FBXL17: variants seen among roughly 807,000 people sequenced by gnomAD.
FBXL17 encodes F-box and leucine rich repeat protein 17.
In FBXL17, 22 loss-of-function variants were observed where a neutral mutation model predicts 66.2. The observed-to-expected ratio is 0.33, with a 90% CI of 0.24 to 0.47. The LOEUF is 0.47. FBXL17 is among the 20% of genes least tolerant of loss of function. The probability of loss-of-function intolerance (pLI) is 1.00; values close to 1 mark genes in which losing one functional copy is unlikely to be tolerated. For synonymous variants in FBXL17, 474 were observed against 400.5 expected (o/e 1.18, Z -2.19); for missense variants, 878 against 948.2 (o/e 0.93, Z 0.97).
At chr5:108,153,547 T>C (rs1751851143) in intron 6 of FBXL17, among the ~76,000 whole-genome samples, 2 of 152,162 alleles carry the variant, frequency 1.3e-5, no homozygotes, top group African/African-American at 4.8e-5. Context: ...AAAATAAGAA[T>C]TTAAGATAAA....
chr5:107,946,310 T>TATATATA (rs1751292520), intron 7 of FBXL17, among the ~76,000 whole-genome samples: 54 of 107,364 alleles, frequency 5.0e-4, no homozygotes, highest in Non-Finnish European at 7.0e-4. Context: ...TATATATATA[T>TATATATA]TAGTGACAGA....
intron 6 of FBXL17, among the ~76,000 whole-genome samples, chr5:108,062,642 T>C (rs286754): frequency 0.045 from 6,866 of 152,216 alleles, 533 homozygotes; most frequent in African/African-American, 0.16. Flanking sequence ...TTTTTAAACC[T>C]AGGAATTTAA....
At position 108,137,910 on chromosome 5, in the gene FBXL17, C is replaced by T. The variant is rs1283034051; in HGVS notation, c.1745+48207G>A. ...GCCTAGACTATCGATAATCTGGGCA[C>T]AACACTTCCAAGATAAATACTCAAG... On this transcript the variant is annotated intron_variant, in intron 6 of 8. Coordinates refer to ENST00000542267, the MANE Select transcript of FBXL17 (RefSeq NM_001163315.3). Among the ~76,000 whole-genome samples, 4 of 152,248 alleles carry T rather than the reference C, an allele frequency of 2.6e-5. No homozygotes were observed. In the East Asian group the frequency reaches 7.7e-4, roughly 29 times the overall value.
At chr5:108,039,268 TAA>T (rs1316409354) in intron 6 of FBXL17, among the ~76,000 whole-genome samples, 19 of 151,990 alleles carry the variant, frequency 1.3e-4, no homozygotes, top group Non-Finnish European at 2.8e-4. Flanking sequence ...TAAAGCAGTA[TAA>T]ATTGAGGAAA....
At chr5:108,093,371 C>A (rs369101202) in intron 6 of FBXL17, among the ~76,000 whole-genome samples, 2 of 151,988 alleles carry the variant, frequency 1.3e-5, no homozygotes, top group African/African-American at 4.8e-5. Context: ...CAGTCCTGCA[C>A]CACCCCTCAC....
chr5:107,931,212 G>C (rs1218483554), intron 7 of FBXL17, among the ~76,000 whole-genome samples: 2 of 151,608 alleles, frequency 1.3e-5, no homozygotes, highest in African/African-American at 4.8e-5. Flanking sequence ...CACATAAGAA[G>C]TCAAAACCTC....
chr5:108,316,182 T>C (rs1186265235), intron 4 of FBXL17, among the ~76,000 whole-genome samples: 1 of 151,404 alleles, frequency 6.6e-6, no homozygotes, highest in Non-Finnish European at 1.5e-5. Context: ...TTTAGTAGAA[T>C]CCATGCTTGC....
intron 3 of FBXL17, among the ~76,000 whole-genome samples, chr5:108,357,360 A>G (rs916195163): frequency 6.6e-6 from 1 of 152,064 alleles, no homozygotes; most frequent in Non-Finnish European, 1.5e-5. Context: ...TGTTAGAACT[A>G]CAAGGAAAAA....
Position 108,380,829 on chromosome 5 carries a change from G to C in FBXL17, c.863C>G (p.Ser288Cys). The C allele has an allele frequency of 8.0e-7, 1 of 1,247,830 alleles. No individual in the cohort carries two copies. Among genetic ancestry groups the C allele is most frequent in the Non-Finnish European group, 1.0e-6 (1 of 988,200 alleles). The allele number at this position is 1,247,830 out of a possible 1,614,324, so 77.3% of individuals were successfully genotyped here. Residue 288 changes from serine to cysteine, a missense_variant, in exon 1 of 9, where the codon TCC (serine) becomes TGC (cysteine). Ser to Cys is a moderately radical substitution (Grantham distance 112). Coordinates refer to ENST00000542267, the MANE Select transcript of FBXL17 (RefSeq NM_001163315.3). ...GCCACATTCATGCTGCTGCTGGGCG[G>C]ACAAGGGGGCGGTGCCCCCGGCTCG... Reference protein sequence around the residue: ...AVRAGGTAPLSAQQQHECGDA... With the variant: ...AVRAGGTAPLCAQQQHECGDA...
intron 6 of FBXL17, among the ~76,000 whole-genome samples, chr5:108,178,860 A>G (rs1752894132): frequency 6.6e-6 from 1 of 152,174 alleles, no homozygotes; most frequent in Non-Finnish European, 1.5e-5. Context: ...CCAAGGTGAA[A>G]AGTATTTCTC....
chr5:108,206,434 G>C (rs1754122007), intron 5 of FBXL17, among the ~76,000 whole-genome samples: 1 of 152,006 alleles, frequency 6.6e-6, no homozygotes, highest in African/African-American at 2.4e-5. Context: ...GTATAATTTG[G>C]TAAGTTTTGA....
intron 6 of FBXL17, among the ~76,000 whole-genome samples, chr5:108,101,953 A>G (rs78719832): frequency 0.16 from 24,897 of 152,188 alleles, 2,116 homozygotes; most frequent in African/African-American, 0.19. Flanking sequence ...CACATTTGAC[A>G]GAGACCTGTG....
At chr5:108,021,868 G>C (rs1227665864) in intron 6 of FBXL17, among the ~76,000 whole-genome samples, 1 of 151,658 alleles carries the variant, frequency 6.6e-6, no homozygotes, top group African/African-American at 2.4e-5. Context: ...TTAAGTAAAA[G>C]GGTAAAAGCA....
chr5:108,034,146 G>T (rs1746751070), intron 6 of FBXL17, among the ~76,000 whole-genome samples: 1 of 152,060 alleles, frequency 6.6e-6, no homozygotes, highest in South Asian at 2.1e-4. Flanking sequence ...TACATATCCA[G>T]CAACGACCAG....
intron 5 of FBXL17, among the ~76,000 whole-genome samples, chr5:108,214,488 C>T (rs1157183125): frequency 6.6e-6 from 1 of 151,742 alleles, no homozygotes; most frequent in East Asian, 1.9e-4. Flanking sequence ...CTGCCTCAGC[C>T]TCCCGAGTAA....
chr5:108,175,172 A>C (rs554215834), intron 6 of FBXL17, among the ~76,000 whole-genome samples: 2 of 152,212 alleles, frequency 1.3e-5, no homozygotes, highest in Non-Finnish European at 2.9e-5. Context: ...ACACGAATGT[A>C]TTAAATTAAT....
intron 5 of FBXL17, among the ~76,000 whole-genome samples, chr5:108,186,891 GAGA>G (rs1371412195): frequency 1.3e-5 from 2 of 151,854 alleles, no homozygotes; most frequent in Non-Finnish European, 2.9e-5. Context: ...CCTACAATTT[GAGA>G]AGATTATTCT....
chr5:108,116,643 T>C (rs1156784048), intron 6 of FBXL17, among the ~76,000 whole-genome samples: 1 of 151,532 alleles, frequency 6.6e-6, no homozygotes, highest in East Asian at 1.9e-4. Context: ...CAAGACTCCG[T>C]CTCAAAAATA....
At chr5:108,036,509 C>A (rs1426462225) in intron 6 of FBXL17, among the ~76,000 whole-genome samples, 1 of 152,132 alleles carries the variant, frequency 6.6e-6, no homozygotes, top group Non-Finnish European at 1.5e-5. Context: ...AAGTTTGCAA[C>A]CCCTACGAAT....
Sources: allele counts gnomAD v4.1 joint callset (sites outside exome capture counted in the v4.1 genomes callset), GRCh38; gene constraint gnomAD v4.1.1; transcripts MANE v1.5; gene names NCBI Gene and HGNC (gene_info 2026-07-23, HGNC 2026-07-21).